RB1: variants seen among roughly 807,000 people sequenced by gnomAD.
RB1 encodes retinoblastoma-associated protein.
RB1 carries 18 observed loss-of-function variants against 135.4 expected under a neutral mutation model. The observed-to-expected ratio is 0.13, with a 90% CI of 0.09 to 0.20. The LOEUF (loss-of-function observed/expected upper bound fraction) is 0.20, where lower values mean the gene tolerates loss of function less well. RB1 is among the 10% of genes least tolerant of loss of function. The pLI is 1.00. For synonymous variants in RB1, 365 were observed against 373.2 expected (o/e 0.98, Z 0.25); for missense variants, 868 against 1,110.0 (o/e 0.78, Z 3.10).
At chr13:48,414,205 A>G (rs1331991383) in intron 17 of RB1, among the ~76,000 whole-genome samples, 1 of 152,074 alleles carries the variant, frequency 6.6e-6, no homozygotes, top group Non-Finnish European at 1.5e-5. Flanking sequence ...AAACTAGCCT[A>G]GGGCAATAGT....
In RB1 at chr13:48,481,606, A is replaced by G. The variant is rs1224291933; in HGVS notation, c.*1535A>G. ...CAATGACACTAGAAAACTTGACTCCATTTCATCATTGTTTCTGCATGAATA... is the reference window on the plus strand; with the variant it reads ...CAATGACACTAGAAAACTTGACTCCGTTTCATCATTGTTTCTGCATGAATA... On this transcript the variant is annotated 3_prime_UTR_variant, in exon 27 of 27. Transcript: ENST00000267163. 4.3e-6 allele frequency: 1 copy of G among 231,082 alleles called. No homozygotes were observed. Among genetic ancestry groups the G allele is most frequent in the Non-Finnish European group, 8.6e-6 (1 of 116,518 alleles). 14.3% of individuals were successfully genotyped at this position (231,082 alleles called of 1,614,324 possible).
intron 17 of RB1, among the ~76,000 whole-genome samples, chr13:48,385,939 G>A (rs529506573): frequency 2.8e-4 from 43 of 151,732 alleles, no homozygotes; most frequent in African/African-American, 9.9e-4. Context: ...CCAGGTGTGT[G>A]GTGCACACCT....
chr13:48,304,133 G>A, intron 1 of RB1, 84 bp downstream of exon 1: 1 of 1,306,932 alleles, frequency 7.7e-7, no homozygotes, highest in Non-Finnish European at 9.7e-7. Context: ...GCTCGGCGGG[G>A]ATCCGTCCTC....
At position 48,307,395 on chromosome 13, in the gene RB1, G is replaced by A. The variant is rs2138034546; in HGVS notation, c.253G>A (p.Asp85Asn). The A allele has an allele frequency of 6.2e-7, 1 of 1,613,426 alleles. No individual in the cohort carries two copies. The highest frequency in any genetic ancestry group is 8.5e-7 in the Non-Finnish European group (1 of 1,179,596). Residue 85 changes from aspartate to asparagine, a missense_variant, in exon 2 of 27, where the codon GAT (aspartate) becomes AAT (asparagine). Physicochemically the swap from Asp to Asn is conservative, Grantham distance 23. Around this residue, in one of 3 missense-constraint regions of RB1, gnomAD observed 641 missense variants for 791.3 expected, o/e 0.81. Transcript: ENST00000267163. ...AACTTGGGAGAAAGTTTCATCTGTG[G>A]ATGGAGTATTGGTAAGGATTTTCTT... is the stretch of plus-strand genomic sequence containing the variant. Reference protein sequence around the residue: ...WLTWEKVSSVDGVLGGYIQKK... With the variant: ...WLTWEKVSSVNGVLGGYIQKK...
chr13:48,347,906 A>G lies in RB1; in HGVS notation c.539+43A>G, dbSNP rs376032950. On this transcript the variant is annotated intron_variant, in intron 5 of 26. Transcript: ENST00000267163. The stretch of plus-strand genomic sequence containing the variant: ...TGTTATTTTTCACTTAAAAAAAAAG[A>G]TTTTTATGGAATAATCTCAAACATC... 2.9e-4 allele frequency: 416 copies of G among 1,432,036 alleles called. 4 individuals are homozygous for G. The highest frequency in any genetic ancestry group is 2.3e-3 in the Middle Eastern group (13 of 5,688). The allele number at this position is 1,432,036 out of a possible 1,614,324, so 88.7% of individuals were successfully genotyped here.
intron 2 of RB1, chr13:48,318,039 C>T: frequency 3.8e-6 from 2 of 522,878 alleles, no homozygotes; most frequent in East Asian, 8.7e-5. Context: ...GGGCTGGGAG[C>T]TGGGCCCTGG....
At chr13:48,460,220 A>G (rs1384983438) in intron 20 of RB1, among the ~76,000 whole-genome samples, 2 of 151,766 alleles carry the variant, frequency 1.3e-5, no homozygotes, top group African/African-American at 2.4e-5. Flanking sequence ...CCGTCTACCT[A>G]AGGCCTCCCA....
chr13:48,471,395 C>G (rs1213634717), intron 23 of RB1, among the ~76,000 whole-genome samples: 1 of 80,200 alleles, frequency 1.2e-5, no homozygotes, highest in African/African-American at 4.6e-5. Context: ...GAATATCACA[C>G]TCTGGGGACT....
At chr13:48,323,698 A>G (rs1593424397) in intron 2 of RB1, among the ~76,000 whole-genome samples, 2 of 152,086 alleles carry the variant, frequency 1.3e-5, no homozygotes, top group South Asian at 4.1e-4. Context: ...TGACTTCATA[A>G]AAGTTTTCAC....
At chr13:48,466,504 T>G (rs1365033662) in intron 23 of RB1, among the ~76,000 whole-genome samples, 2 of 151,510 alleles carry the variant, frequency 1.3e-5, no homozygotes, top group East Asian at 3.9e-4. Context: ...AGAGCGCCTC[T>G]CCTCCTCCAA....
At chr13:48,351,761 C>T (rs773983287) in intron 6 of RB1, among the ~76,000 whole-genome samples, 2 of 151,946 alleles carry the variant, frequency 1.3e-5, no homozygotes, top group Non-Finnish European at 2.9e-5. Flanking sequence ...GCAACCTCTG[C>T]CTCCCGGGTT....
At chr13:48,347,479 C>T (rs967071018) in intron 4 of RB1, among the ~76,000 whole-genome samples, 11 of 152,050 alleles carry the variant, frequency 7.2e-5, no homozygotes, top group African/African-American at 2.7e-4. Context: ...CCTCAAAAGA[C>T]CACTCAGGAC....
chr13:48,394,161 C>A (rs2138165571), intron 17 of RB1, among the ~76,000 whole-genome samples: 1 of 152,264 alleles, frequency 6.6e-6, no homozygotes, highest in Non-Finnish European at 1.5e-5. Flanking sequence ...TGGGGAACTC[C>A]CTCCCCTAGC....
In RB1 at chr13:48,362,949, A is replaced by G. The variant is rs1593445228; in HGVS notation, c.853A>G (p.Ile285Val). The G allele has an allele frequency of 6.2e-7, 1 of 1,612,632 alleles. No individual in the cohort carries two copies. The highest frequency in any genetic ancestry group is 2.2e-5 in the East Asian group (1 of 44,760). The stretch of plus-strand genomic sequence containing the variant: ...TCTCTGTAAAGAACATGAATGTAAT[A>G]TAGATGAGGTAATTTAACTTCATGA... ...EVLCKEHECN[I>V]DEVKNVYFKN... Residue 285 changes from isoleucine to valine, a missense_variant, in exon 8 of 27, where the codon ATA becomes GTA. Physicochemically the swap from Ile to Val is conservative, Grantham distance 29. Around this residue, in one of 3 missense-constraint regions of RB1, gnomAD observed 641 missense variants for 791.3 expected, o/e 0.81. Transcript: ENST00000267163.
intron 12 of RB1, 22 bp downstream of exon 12, chr13:48,373,514 A>G (rs1952785369): frequency 7.1e-7 from 1 of 1,411,318 alleles, no homozygotes; most frequent in Admixed American, 1.7e-5. Context: ...ATGAAACATT[A>G]TTTATTGTAA....
chr13:48,328,297 G>A lies in RB1; in HGVS notation c.265-14302G>A, dbSNP rs1055888850. ...TCATTAAAAGCTGCTGCTACTGAAA[G>A]AGTTTTTGGAGCAAGAGTTGGAACA... On this transcript the variant is annotated intron_variant, in intron 2 of 26. Transcript: ENST00000267163. 3.8e-6 allele frequency: 6 copies of A among 1,590,824 alleles called. No homozygotes were observed. The African/African-American group carries it at 8.1e-5, about 21-fold the overall frequency.
chr13:48,461,798 A>G (rs1047193637), intron 20 of RB1, among the ~76,000 whole-genome samples: 1 of 152,098 alleles, frequency 6.6e-6, no homozygotes, highest in African/African-American at 2.4e-5. Context: ...CTTTAGAGAA[A>G]TGTCTATCAG....
At chr13:48,430,229 T>C (rs775448659) in intron 17 of RB1, among the ~76,000 whole-genome samples, 1 of 152,200 alleles carries the variant, frequency 6.6e-6, no homozygotes, top group Non-Finnish European at 1.5e-5. Flanking sequence ...GAATTTAATG[T>C]ATGATAATTT....
intron 3 of RB1, among the ~76,000 whole-genome samples, chr13:48,344,311 T>G (rs980088347): frequency 2.0e-5 from 3 of 152,210 alleles, no homozygotes; most frequent in Non-Finnish European, 2.9e-5. Flanking sequence ...GTATGCATTT[T>G]GGTGTGTATC....
Sources: allele counts gnomAD v4.1 joint callset (sites outside exome capture counted in the v4.1 genomes callset), GRCh38; gene constraint gnomAD v4.1.1; regional missense constraint gnomAD v4.1.1; transcripts MANE v1.5; gene names NCBI Gene and HGNC (gene_info 2026-07-23, HGNC 2026-07-21).